PDE1A: variants seen among roughly 807,000 people sequenced by gnomAD.
The protein encoded by PDE1A is dual specificity calcium/calmodulin-dependent 3',5'-cyclic nucleotide phosphodiesterase 1A.
Under a neutral mutation model 61.7 loss-of-function variants are expected in PDE1A, and 35 were observed. That is an observed-to-expected ratio of 0.57 (90% CI 0.43 to 0.75). PDE1A has a LOEUF of 0.75. Among genes scored for constraint, PDE1A ranks in the 30% least tolerant of loss-of-function variants. PDE1A has a pLI of 0.00. For missense variants in PDE1A, 597 were observed against 630.6 expected (o/e 0.95, Z 0.57); for synonymous variants, 232 against 213.2 (o/e 1.09, Z -0.77).
the PDE1A span, among the ~76,000 whole-genome samples, chr2:182,590,614 G>A: frequency 1.3e-5 from 2 of 152,166 alleles, no homozygotes; most frequent in African/African-American, 4.8e-5. Flanking sequence ...AAATAACCAA[G>A]AGACTTTACC....
chr2:182,709,373 T>C, the PDE1A span, among the ~76,000 whole-genome samples: 2 of 152,326 alleles, frequency 1.3e-5, no homozygotes, highest in East Asian at 3.9e-4. Context: ...CTTACTTTTT[T>C]GTACATAATA....
the PDE1A span, among the ~76,000 whole-genome samples, chr2:182,587,706 T>C: frequency 3.9e-5 from 6 of 152,224 alleles, no homozygotes; most frequent in African/African-American, 1.4e-4. Context: ...TTCTTAGTCT[T>C]GATGTTATAT....
chr2:182,345,382 T>A (rs1050121073), intron 1 of PDE1A, among the ~76,000 whole-genome samples: 1 of 152,350 alleles, frequency 6.6e-6, no homozygotes, highest in Non-Finnish European at 1.5e-5. Flanking sequence ...ACACAATTTC[T>A]TGCCTATAGT....
intron 2 of PDE1A, among the ~76,000 whole-genome samples, chr2:182,500,846 A>C (rs1361899082): frequency 6.6e-6 from 1 of 152,196 alleles, no homozygotes; most frequent in East Asian, 1.9e-4. Context: ...ATTGTGACAA[A>C]AATCAAAATA....
intron 13 of PDE1A, among the ~76,000 whole-genome samples, chr2:182,170,555 TTC>T (rs1692111346): frequency 1.3e-5 from 2 of 152,134 alleles, no homozygotes; most frequent in Admixed American, 1.3e-4. Context: ...CCATATAATT[TTC>T]TGTGTGCTAT....
At chr2:182,180,754 T>C (rs570325106) in intron 13 of PDE1A, among the ~76,000 whole-genome samples, 1 of 152,114 alleles carries the variant, frequency 6.6e-6, no homozygotes, top group Admixed American at 6.6e-5. Context: ...CTTCACATAG[T>C]CCCACATTTC....
At chr2:182,514,884 T>A (rs532278690) in intron 2 of PDE1A, among the ~76,000 whole-genome samples, 4 of 152,214 alleles carry the variant, frequency 2.6e-5, no homozygotes, top group Non-Finnish European at 5.9e-5. Flanking sequence ...AACAGAAAGT[T>A]TATTTTGTTC....
intron 1 of PDE1A, among the ~76,000 whole-genome samples, chr2:182,361,545 A>G (rs1489010672): frequency 1.3e-5 from 2 of 152,064 alleles, no homozygotes; most frequent in Non-Finnish European, 1.5e-5. Flanking sequence ...AAAAAATATG[A>G]ATGGCCAGGT....
At chr2:182,157,466 G>A (rs1691155631) in intron 13 of PDE1A, among the ~76,000 whole-genome samples, 1 of 152,128 alleles carries the variant, frequency 6.6e-6, no homozygotes, top group South Asian at 2.1e-4. Context: ...AATATCACAA[G>A]TTTCTATAGA....
At chr2:182,592,020 C>T in the PDE1A span, among the ~76,000 whole-genome samples, 1 of 152,156 alleles carries the variant, frequency 6.6e-6, no homozygotes, top group African/African-American at 2.4e-5. Context: ...TAACTAACTG[C>T]TTGTGGTGGG....
intron 10 of PDE1A, among the ~76,000 whole-genome samples, chr2:182,194,599 C>T (rs1377983311): frequency 6.6e-6 from 1 of 152,016 alleles, no homozygotes; most frequent in Admixed American, 6.6e-5. Flanking sequence ...CAGAAATCAG[C>T]GTTTCTCAAG....
chr2:182,549,338 T>C, the PDE1A span, among the ~76,000 whole-genome samples: 1 of 152,106 alleles, frequency 6.6e-6, no homozygotes. Flanking sequence ...AAATTACAAG[T>C]ATTGATTATG....
the PDE1A span, among the ~76,000 whole-genome samples, chr2:182,631,648 A>G: frequency 1.3e-5 from 2 of 152,246 alleles, no homozygotes; most frequent in Non-Finnish European, 2.9e-5. Context: ...GCACTTTCAT[A>G]TGATAGGATA....
chr2:182,569,348 TTATGCTCTGTA>T, the PDE1A span, among the ~76,000 whole-genome samples: 1 of 151,922 alleles, frequency 6.6e-6, no homozygotes, highest in South Asian at 2.1e-4. Context: ...CAATTTTTCA[TTATGCTCTGTA>T]TAAATTCTCT....
At chr2:182,652,074 G>A in the PDE1A span, among the ~76,000 whole-genome samples, 1 of 152,128 alleles carries the variant, frequency 6.6e-6, no homozygotes, top group Non-Finnish European at 1.5e-5. Context: ...ATCATAAATA[G>A]CAATGCATAT....
At chr2:182,350,605 C>T (rs529224071) in intron 1 of PDE1A, among the ~76,000 whole-genome samples, 1 of 152,192 alleles carries the variant, frequency 6.6e-6, no homozygotes, top group African/African-American at 2.4e-5. Context: ...TTTTTCTTGA[C>T]TTGTCATGAT....
the PDE1A span, among the ~76,000 whole-genome samples, chr2:182,618,731 A>G: frequency 6.6e-6 from 1 of 152,204 alleles, no homozygotes; most frequent in African/African-American, 2.4e-5. Flanking sequence ...AACATGAGTC[A>G]GTGACAACAA....
At chr2:182,213,570 TA>T (rs1687867030) in intron 7 of PDE1A, among the ~76,000 whole-genome samples, 1 of 99,332 alleles carries the variant, frequency 1.0e-5, no homozygotes, top group Admixed American at 1.1e-4. Context: ...GAGAAGTGCT[TA>T]AAGGAGCTGA....
At chr2:182,473,529 G>T (rs1210785852) in intron 2 of PDE1A, among the ~76,000 whole-genome samples, 2 of 151,814 alleles carry the variant, frequency 1.3e-5, no homozygotes, top group Admixed American at 1.3e-4. Flanking sequence ...ACATGTGCAG[G>T]TTTGTTACAT....
Sources: gnomAD v4.1 joint callset for allele counts (sites outside exome capture counted in the v4.1 genomes callset) on GRCh38, gnomAD v4.1.1 for gene constraint, MANE v1.5 for transcripts, NCBI Gene and HGNC (gene_info 2026-07-23, HGNC 2026-07-21) for gene names.